The following TBP variants were observed in gnomAD, a reference collection of about 807,000 sequenced individuals.
TBP encodes the protein TATA-box-binding protein.
In TBP, 12 loss-of-function variants were observed where a neutral mutation model predicts 46.2. The observed-to-expected ratio is 0.26, with a 90% CI of 0.17 to 0.42. The LOEUF (loss-of-function observed/expected upper bound fraction) is 0.42, where lower values mean the gene tolerates loss of function less well. Ranked by LOEUF, TBP falls within the 10% of genes least tolerant of loss-of-function variation. TBP has a pLI of 1.00. For missense variants in TBP, 229 were observed against 403.1 expected, an observed-to-expected ratio of 0.57 and a Z score of 3.70; for synonymous variants, 157 against 148.3, an observed-to-expected ratio of 1.06 and a Z score of -0.42.
intron 2 of TBP, among the ~76,000 whole-genome samples, chr6:170,557,735 CAA>C (rs35269766): frequency 0.016 from 832 of 51,794 alleles, 3 homozygotes; most frequent in African/African-American, 0.057. Flanking sequence ...GACTCTGTCT[CAA>C]AAAAAAAAAA....
At chr6:170,556,326 T>C (rs1779027038) in intron 1 of TBP, among the ~76,000 whole-genome samples, 1 of 151,652 alleles carries the variant, frequency 6.6e-6, no homozygotes, top group East Asian at 1.9e-4. Context: ...GGTAAGGTTA[T>C]TACATTTATA....
In TBP at chr6:170,568,825, T is replaced by C. The variant is rs1429743836; in HGVS notation, c.678-787T>C. Among the ~76,000 whole-genome samples, 11 of 113,430 alleles carry C rather than the reference T, an allele frequency of 9.7e-5. 2 individuals are homozygous for C. The highest frequency in any genetic ancestry group is 9.7e-4 in the South Asian group (3 of 3,094). The allele number at this position is 113,430 out of a possible 152,430, so 74.4% of individuals were successfully genotyped here. ...TCTTTCTTTCCTTTTCTTTTTTTTT[T>C]TTTTTTTTTTTTTTTTTGGTGGAGT... On this transcript the variant is annotated intron_variant, in intron 5 of 7. Transcript: ENST00000392092.
chr6:170,561,185 A>G (rs1407797210), intron 2 of TBP, among the ~76,000 whole-genome samples: 1 of 152,240 alleles, frequency 6.6e-6, no homozygotes, highest in Non-Finnish European at 1.5e-5. Context: ...GCAATAAAGC[A>G]TTTTTAAATT....
chr6:170,572,620 A>AT lies in TBP; in HGVS notation c.*359dup, dbSNP rs1779385126. The AT allele has an allele frequency of 4.8e-6, 1 of 206,986 alleles. No homozygotes were observed. Among genetic ancestry groups the AT allele is most frequent in the African/African-American group, 2.3e-5 (1 of 43,484 alleles). The allele number at this position is 206,986 out of a possible 1,614,324, so 12.8% of individuals were successfully genotyped here. On this transcript the variant is annotated 3_prime_UTR_variant, in exon 8 of 8. Transcript: ENST00000392092. The stretch of plus-strand genomic sequence containing the variant: ...CCTCTATAATTGATTGGACTTTTTA[A>AT]TTTTAATGTTTTTCCCCATGAACCA...
chr6:170,561,340 C>T (rs949632761), intron 2 of TBP, among the ~76,000 whole-genome samples: 1 of 152,178 alleles, frequency 6.6e-6, no homozygotes, highest in African/African-American at 2.4e-5. Flanking sequence ...TGTAGTATCT[C>T]CGAGGTATGC....
chr6:170,564,931 C>T (rs1222604104), intron 4 of TBP, among the ~76,000 whole-genome samples: 3 of 151,586 alleles, frequency 2.0e-5, no homozygotes, highest in Non-Finnish European at 2.9e-5. Flanking sequence ...CCGAGGTGGG[C>T]GGATCATCTG....
chr6:170,570,723 C>A (rs1233450260), intron 6 of TBP, among the ~76,000 whole-genome samples: 1 of 152,060 alleles, frequency 6.6e-6, no homozygotes, highest in African/African-American at 2.4e-5. Context: ...ATCCCAGTTA[C>A]ATGGGAGGCT....
intron 7 of TBP, among the ~76,000 whole-genome samples, 179 bp downstream of exon 7, chr6:170,571,683 CTG>C (rs1779368666): frequency 6.6e-6 from 1 of 152,178 alleles, no homozygotes; most frequent in Non-Finnish European, 1.5e-5. Context: ...GCAGGGAAGT[CTG>C]ACCACAGCTC....
chr6:170,557,503 GGT>G (rs1779050669), intron 2 of TBP, among the ~76,000 whole-genome samples: 2 of 152,114 alleles, frequency 1.3e-5, no homozygotes, highest in Admixed American at 6.5e-5. Context: ...GGGAGGCCAA[GGT>G]GGGCGGATCA....
intron 3 of TBP, among the ~76,000 whole-genome samples, chr6:170,563,609 C>T (rs1359195239): frequency 6.6e-6 from 1 of 152,002 alleles, no homozygotes; most frequent in Non-Finnish European, 1.5e-5. Context: ...TGTGGATCAA[C>T]CTAATTGGCT....
intron 3 of TBP, among the ~76,000 whole-genome samples, chr6:170,562,976 A>T (rs1443568595): frequency 4.6e-5 from 7 of 151,906 alleles, no homozygotes; most frequent in Non-Finnish European, 8.8e-5. Flanking sequence ...GCATTTATTC[A>T]CCTTGTTACA....
intron 7 of TBP, among the ~76,000 whole-genome samples, 170 bp downstream of exon 7, chr6:170,571,674 C>G (rs575866011): frequency 1.3e-5 from 2 of 152,256 alleles, no homozygotes; most frequent in East Asian, 3.9e-4. Context: ...ACAGTGAGAG[C>G]AGGGAAGTCT....
chr6:170,568,093 G>T (rs1779297943), intron 5 of TBP, among the ~76,000 whole-genome samples: 2 of 152,168 alleles, frequency 1.3e-5, no homozygotes, highest in African/African-American at 4.8e-5. Context: ...GATCTCCGAG[G>T]TTTTTCAGAA....
At chr6:170,561,755 G>C (rs762025441) in intron 2 of TBP, 36 bp from the exon 3 acceptor site, 3 of 1,589,996 alleles carry the variant, frequency 1.9e-6, no homozygotes, top group Non-Finnish European at 2.6e-6. Flanking sequence ...CTTAGCAGCA[G>C]CCAGCCTAAC....
At chr6:170,561,565 C>T (rs879511385) in intron 2 of TBP, among the ~76,000 whole-genome samples, 14 of 152,008 alleles carry the variant, frequency 9.2e-5, no homozygotes, top group Admixed American at 2.6e-4. Context: ...TTAATTTTTC[C>T]GAAGTTCAGT....
chr6:170,564,167 G>A (rs1779199836), intron 3 of TBP, among the ~76,000 whole-genome samples: 1 of 152,108 alleles, frequency 6.6e-6, no homozygotes, highest in South Asian at 2.1e-4. Flanking sequence ...TAGCTTTTCA[G>A]AGCTCACAGA....
Position 170,555,884 on chromosome 6 carries a change from C to T in TBP, c.-148-998C>T, listed in dbSNP as rs201300919. On this transcript the variant is annotated intron_variant, in intron 1 of 7. Transcript: ENST00000392092. ...ACTTTGATGCCAAGGACTATATCCT[C>T]CTATCTTTATATCCTCATCTGCAGG... Among the ~76,000 whole-genome samples the T allele has an allele frequency of 1.3e-4, 20 of 152,264 alleles. No homozygotes were observed. In the East Asian group the frequency reaches 3.7e-3, roughly 28 times the overall value.
chr6:170,570,568 C>T (rs1015457540), intron 6 of TBP, among the ~76,000 whole-genome samples: 2 of 152,152 alleles, frequency 1.3e-5, no homozygotes, highest in East Asian at 3.9e-4. Context: ...CCTGGTGGCT[C>T]ACACCTGTAA....
intron 4 of TBP, among the ~76,000 whole-genome samples, chr6:170,566,702 A>G (rs560865740): frequency 1.3e-5 from 2 of 152,350 alleles, no homozygotes. Context: ...CTTAGTCACA[A>G]TTGATTATTT....
Sources: gnomAD v4.1 joint callset for allele counts (sites outside exome capture counted in the v4.1 genomes callset) on GRCh38, gnomAD v4.1.1 for gene constraint, MANE v1.5 for transcripts, NCBI Gene and HGNC (gene_info 2026-07-23, HGNC 2026-07-21) for gene names.